Variants in PCDHGA6 observed in about 807,000 individuals in gnomAD.
PCDHGA6 encodes the protein protocadherin gamma subfamily A, 6.
A neutral mutation model predicts 60.6 loss-of-function variants in PCDHGA6; 41 were observed. The observed-to-expected ratio is 0.68, with a 90% CI of 0.53 to 0.88. PCDHGA6 has a LOEUF of 0.88. Among genes scored for constraint, PCDHGA6 ranks in the 40% least tolerant of loss-of-function variants. The probability of loss-of-function intolerance (pLI) is 0.00; values close to 1 mark genes in which losing one functional copy is unlikely to be tolerated. For synonymous variants in PCDHGA6, 594 were observed against 524.4 expected, an observed-to-expected ratio of 1.13 and a Z score of -1.81; for missense variants, 1,312 against 1,203.0, an observed-to-expected ratio of 1.09 and a Z score of -1.34.
At chr5:141,393,028 C>T in intron 1 of PCDHGA6, 6 of 1,613,768 alleles carry the variant, frequency 3.7e-6, no homozygotes, top group Non-Finnish European at 5.1e-6. Context: ...AGAGGTAGGA[C>T]GCAGCTCTTT....
chr5:141,418,363 C>G (rs147423305), intron 1 of PCDHGA6: 1 of 1,613,866 alleles, frequency 6.2e-7, no homozygotes, highest in Non-Finnish European at 8.5e-7. Context: ...ATTCGCTGAG[C>G]AAATACCAAC....
intron 1 of PCDHGA6, chr5:141,399,613 G>A: frequency 6.2e-7 from 1 of 1,613,928 alleles, no homozygotes; most frequent in Non-Finnish European, 8.5e-7. Context: ...AGAGCCTCTG[G>A]CACTGGCCTC....
intron 1 of PCDHGA6, among the ~76,000 whole-genome samples, chr5:141,472,402 G>T (rs569497172): frequency 6.6e-6 from 1 of 152,042 alleles, no homozygotes; most frequent in Non-Finnish European, 1.5e-5. Context: ...TTAGCCAGGC[G>T]TGGTGGCACG....
At position 141,421,347 on chromosome 5, in the gene PCDHGA6, C is replaced by T. The variant is rs147068995; in HGVS notation, c.2424+44840C>T. 359 of 1,613,948 alleles carry T rather than the reference C, an allele frequency of 2.2e-4. 2 individuals carry two copies. In the East Asian group the frequency reaches 6.5e-3, roughly 29 times the overall value. On this transcript the variant is annotated intron_variant, in intron 1 of 3. Coordinates refer to ENST00000517434, the MANE Select transcript of PCDHGA6 (RefSeq NM_018919.3). ...TCCGATATTCGGTGCCAGAAGAGAC[C>T]GAAAAGGGCTCCTTCGTGGGCAATA...
At chr5:141,441,863 C>A in intron 1 of PCDHGA6, 2 of 342,418 alleles carry the variant, frequency 5.8e-6, no homozygotes, top group African/African-American at 2.2e-5. Flanking sequence ...CTGCACGCCG[C>A]GGAGCCTGGC....
rs1177043977 is a variant in PCDHGA6, at chr5:141,491,919, C to G, written c.2425-2888C>G. On this transcript the variant is annotated intron_variant, in intron 1 of 3. Coordinates refer to ENST00000517434, the MANE Select transcript of PCDHGA6 (RefSeq NM_018919.3). The surrounding 1 kb of genome is among the most constrained non-coding windows in gnomAD (Gnocchi z 6.9). ...CACCGGGGGTGGTGGCGACTGTGGG[C>G]GAGGGGAGGTGGGACCGACCCCCAC... 5 of 1,361,900 alleles carry G rather than the reference C, an allele frequency of 3.7e-6. No homozygotes were observed. The South Asian group carries it at 7.8e-5, about 21-fold the overall frequency. The allele number at this position is 1,361,900 out of a possible 1,614,324, so 84.4% of individuals were successfully genotyped here. A position where few individuals can be genotyped will look rare whatever the true frequency, so the allele number is the denominator to read the frequency against.
intron 1 of PCDHGA6, chr5:141,395,524 T>A: frequency 2.5e-6 from 1 of 392,376 alleles, no homozygotes; most frequent in Non-Finnish European, 4.5e-6. Flanking sequence ...CCGTCCATAC[T>A]GGTAATTTTG....
At chr5:141,446,169 C>A (rs920519501) in intron 1 of PCDHGA6, among the ~76,000 whole-genome samples, 1 of 152,014 alleles carries the variant, frequency 6.6e-6, no homozygotes, top group African/African-American at 2.4e-5. Flanking sequence ...TTCATGAGGG[C>A]AGGGGGTGTT....
Position 141,511,502 on chromosome 5 carries a change from A to C in PCDHGA6, c.*329A>C. The C allele has an allele frequency of 2.0e-5, 8 of 395,260 alleles. No individual in the cohort carries two copies. The highest frequency in any genetic ancestry group is 4.1e-5 in the African/African-American group (2 of 48,892). The allele number at this position is 395,260 out of a possible 1,614,324, so 24.5% of individuals were successfully genotyped here. A position where few individuals can be genotyped will look rare whatever the true frequency, so the allele number is the denominator to read the frequency against. ...CTGAACTCCTCCATCTTCCAAATCA[A>C]TCAGGCCCATCCATCCCATGCCTCC... On this transcript the variant is annotated 3_prime_UTR_variant, in exon 4 of 4. Transcript: ENST00000517434.
At position 141,489,947 on chromosome 5, in the gene PCDHGA6, A is replaced by G. The variant is rs368977481; in HGVS notation, c.2425-4860A>G. The G allele has an allele frequency of 5.4e-5, 87 of 1,614,090 alleles. No individual in the cohort carries two copies. Among genetic ancestry groups the G allele is most frequent in the South Asian group, 6.6e-5 (6 of 91,094 alleles). ...ATCTCTGTCATCGTGCTGGACATCA[A>G]TGATAATGCTCCAACCTTCCAATCC... On this transcript the variant is annotated intron_variant, in intron 1 of 3. Transcript: ENST00000517434. This position sits in a 1 kb window ranked among gnomAD's most constrained non-coding sequence, Gnocchi z 4.5.
In PCDHGA6 at chr5:141,477,080, A is replaced by G; in HGVS notation, c.2425-17727A>G. 1.9e-6 allele frequency: 3 copies of G among 1,614,254 alleles called. No homozygotes were observed. The highest frequency in any genetic ancestry group is 2.5e-6 in the Non-Finnish European group (3 of 1,180,042). ...GGACACCAAACTCCATGAGATTTAC[A>G]TCCAGGCCAAAGACAAGGGCGCCAA... On this transcript the variant is annotated intron_variant, in intron 1 of 3. Coordinates refer to ENST00000517434, the MANE Select transcript of PCDHGA6 (RefSeq NM_018919.3). The surrounding 1 kb of genome is among the most constrained non-coding windows in gnomAD (Gnocchi z 4.9).
rs2099735810 is a variant in PCDHGA6 at position 141,491,979 on chromosome 5, G to A, written c.2425-2828G>A. On this transcript the variant is annotated intron_variant, in intron 1 of 3. Transcript: ENST00000517434. This position sits in a 1 kb window ranked among gnomAD's most constrained non-coding sequence, Gnocchi z 6.9. ...CAAAAAAGGCCGGGGCCTCCTTCGA[G>A]CTTCCGGTGAATTTCGGGCGATTTC... 6.4e-6 allele frequency: 5 copies of A among 787,296 alleles called. No homozygotes were observed. Among genetic ancestry groups the A allele is most frequent in the Non-Finnish European group, 9.4e-6 (5 of 533,208 alleles). 48.8% of individuals were successfully genotyped at this position (787,296 alleles called of 1,614,324 possible).
chr5:141,408,556 T>C (rs1215804867), intron 1 of PCDHGA6: 3 of 1,613,940 alleles, frequency 1.9e-6, no homozygotes, highest in Non-Finnish European at 2.5e-6. Context: ...ATATTTTTCA[T>C]GTCATTGTGG....
At position 141,376,018 on chromosome 5, in the gene PCDHGA6, C is replaced by G. The variant is rs761668305; in HGVS notation, c.1935C>G (p.Ala645=). The change falls in exon 1 of 4, where the codon GCC becomes GCG. Residue 645 remains alanine (A), a synonymous_variant. Coordinates refer to ENST00000517434, the MANE Select transcript of PCDHGA6 (RefSeq NM_018919.3). Reference sequence around the variant, plus strand: ...CGCTCAAGCAGAGCCTAGTGGTGGCCGTCCAGGACCACGGCCAGCCCCCTC... The same window carrying G: ...CGCTCAAGCAGAGCCTAGTGGTGGCGGTCCAGGACCACGGCCAGCCCCCTC... The part of the protein sequence containing the change: ...RDALKQSLVV[A]VQDHGQPPLS... 1.2e-6 allele frequency: 2 copies of G among 1,613,312 alleles called. No individual in the cohort carries two copies. The highest frequency in any genetic ancestry group is 1.7e-5 in the Admixed American group (1 of 60,014).
chr5:141,388,056 G>A lies in PCDHGA6; in HGVS notation c.2424+11549G>A, dbSNP rs1192724751. 2.2e-6 allele frequency: 3 copies of A among 1,386,286 alleles called. No individual in the cohort carries two copies. In the Admixed American group the frequency reaches 6.2e-5, roughly 29 times the overall value. 85.9% of individuals were successfully genotyped at this position (1,386,286 alleles called of 1,614,324 possible). A position where few individuals can be genotyped will look rare whatever the true frequency, so the allele number is the denominator to read the frequency against. On this transcript the variant is annotated intron_variant, in intron 1 of 3. Coordinates refer to ENST00000517434, the MANE Select transcript of PCDHGA6 (RefSeq NM_018919.3). ...CCTCGCCACGGACCTGGGGTTCAGC[G>A]TCCAGGAGTTACCGACTCGAAAACT...
rs1000330093 is a variant in PCDHGA6 at position 141,511,812 on chromosome 5, C to T, written c.*639C>T. 2.5e-5 allele frequency: 4 copies of T among 157,260 alleles called. No individual in the cohort carries two copies. Among genetic ancestry groups the T allele is most frequent in the African/African-American group, 9.6e-5 (4 of 41,492 alleles). The allele number at this position is 157,260 out of a possible 1,614,324, so 9.7% of individuals were successfully genotyped here. The stretch of plus-strand genomic sequence containing the variant: ...TAGGGAGGGCATTTTGCTACCAAGC[C>T]TCTTCCCAACGCCCTGGGGACCAGT... On this transcript the variant is annotated 3_prime_UTR_variant, in exon 4 of 4. Transcript: ENST00000517434.
chr5:141,403,006 G>C (rs536630249), intron 1 of PCDHGA6: 3 of 1,613,888 alleles, frequency 1.9e-6, no homozygotes, highest in Non-Finnish European at 2.5e-6. Context: ...TGCTATGCTC[G>C]CTCCTGGGGA....
chr5:141,408,549 T>C, intron 1 of PCDHGA6: 1 of 1,614,016 alleles, frequency 6.2e-7, no homozygotes, highest in Non-Finnish European at 8.5e-7. Flanking sequence ...CCTTTAAATA[T>C]TTTTCATGTC....
At chr5:141,396,795 G>T (rs1022475514) in intron 1 of PCDHGA6, among the ~76,000 whole-genome samples, 1 of 152,180 alleles carries the variant, frequency 6.6e-6, no homozygotes, top group Admixed American at 6.5e-5. Context: ...ATTTCCTAAG[G>T]ATTGTGTAGT....
Sources: gnomAD v4.1 joint callset for allele counts (sites outside exome capture counted in the v4.1 genomes callset) on GRCh38, gnomAD v4.1.1 for gene constraint, Gnocchi (gnomAD v3.1) non-coding constraint, MANE v1.5 for transcripts, NCBI Gene and HGNC (gene_info 2026-07-23, HGNC 2026-07-21) for gene names.